JMJD1C: variants seen among roughly 807,000 people sequenced by gnomAD.
JMJD1C encodes jumonji domain containing 1C.
In JMJD1C, 31 loss-of-function variants were observed where a neutral mutation model predicts 245.3. That is an observed-to-expected ratio of 0.13 (90% CI 0.09 to 0.17). The LOEUF is 0.17. JMJD1C is among the 10% of genes least tolerant of loss of function. The pLI, the probability that JMJD1C is intolerant of heterozygous loss-of-function variation, is 1.00. For missense variants in JMJD1C, 2,691 were observed against 3,000.2 expected (o/e 0.90, Z 2.41); for synonymous variants, 1,057 against 1,017.4 (o/e 1.04, Z -0.74).
intron 1 of JMJD1C, among the ~76,000 whole-genome samples, chr10:63,394,335 G>T (rs1235007241): frequency 6.6e-6 from 1 of 152,112 alleles, no homozygotes; most frequent in Non-Finnish European, 1.5e-5. Context: ...TAATTCAAAT[G>T]GAAATGGATA....
chr10:63,295,950 T>TATATAC lies in JMJD1C; in HGVS notation c.334-31187_334-31186insGTATAT, dbSNP rs1554877081. Among the ~76,000 whole-genome samples, 27 of 127,374 alleles carry TATATAC rather than the reference T, an allele frequency of 2.1e-4. 3 individuals carry two copies. In the East Asian group the frequency reaches 2.9e-3, roughly 13 times the overall value. The allele number at this position is 127,374 out of a possible 152,430, so 83.6% of individuals were successfully genotyped here. ...GTACATGTGTATACATATATATATATACACGTATATGTGTGTGTGTGTGTG... is the reference window on the plus strand; with the variant it reads ...GTACATGTGTATACATATATATATATATATACACACGTATATGTGTGTGTGTGTGTG... On this transcript the variant is annotated intron_variant, in intron 2 of 25. Coordinates refer to ENST00000399262, the MANE Select transcript of JMJD1C (RefSeq NM_032776.3).
At chr10:63,198,348 T>C (rs1249351908) in intron 12 of JMJD1C, among the ~76,000 whole-genome samples, 165 bp downstream of exon 12, 3 of 152,228 alleles carry the variant, frequency 2.0e-5, no homozygotes, top group East Asian at 1.9e-4. Context: ...ATTCACCCTC[T>C]ATAGGAAAGT....
At chr10:63,182,947 C>T (rs1294484782) in intron 22 of JMJD1C, among the ~76,000 whole-genome samples, 9 of 152,100 alleles carry the variant, frequency 5.9e-5, no homozygotes, top group African/African-American at 1.2e-4. Context: ...CCGCAACCTC[C>T]GCCTCCTGGG....
intron 1 of JMJD1C, among the ~76,000 whole-genome samples, chr10:63,384,725 T>C (rs1947459031): frequency 6.6e-6 from 1 of 152,226 alleles, no homozygotes; most frequent in Admixed American, 6.5e-5. Flanking sequence ...CAATGAGCAA[T>C]GACTTCAACA....
intron 2 of JMJD1C, among the ~76,000 whole-genome samples, chr10:63,291,418 C>T (rs571208091): frequency 6.6e-6 from 1 of 151,322 alleles, no homozygotes; most frequent in Admixed American, 6.6e-5. Context: ...AGATCAAGAC[C>T]ATCCTGGCCA....
chr10:63,208,940 A>C (rs949067090), intron 9 of JMJD1C, 123 bp downstream of exon 9: 2 of 1,089,478 alleles, frequency 1.8e-6, no homozygotes, highest in African/African-American at 3.2e-5. Flanking sequence ...ATTTGAAGAA[A>C]TATCAAAACA....
intron 1 of JMJD1C, among the ~76,000 whole-genome samples, chr10:63,414,375 T>C (rs1377875098): frequency 1.3e-5 from 2 of 152,166 alleles, no homozygotes; most frequent in African/African-American, 4.8e-5. Flanking sequence ...AACCTTAAAA[T>C]GTATATTTTA....
At chr10:63,296,189 T>C (rs1393247789) in intron 2 of JMJD1C, among the ~76,000 whole-genome samples, 1 of 151,158 alleles carries the variant, frequency 6.6e-6, no homozygotes, top group Admixed American at 6.6e-5. Flanking sequence ...TTTGTATTTT[T>C]AGTAGAGACA....
intron 10 of JMJD1C, chr10:63,202,393 G>C: frequency 1.0e-6 from 1 of 985,256 alleles, no homozygotes; most frequent in Non-Finnish European, 1.2e-6. Context: ...TTTCTGTCAT[G>C]CTGAAAGAAT....
chr10:63,190,859 GC>G, intron 17 of JMJD1C, 34 bp downstream of exon 17: 4 of 1,532,148 alleles, frequency 2.6e-6, no homozygotes, highest in Non-Finnish European at 3.6e-6. Flanking sequence ...TCTATTTAAG[GC>G]CCACATTAAA....
intron 1 of JMJD1C, chr10:63,427,513 A>C (rs1010258334): frequency 2.2e-6 from 3 of 1,336,830 alleles, no homozygotes; most frequent in African/African-American, 1.5e-5. Context: ...GTTTCCTGCC[A>C]ATGTTCTTCA....
intron 1 of JMJD1C, among the ~76,000 whole-genome samples, chr10:63,520,518 A>C (rs1564985847): frequency 1.3e-5 from 2 of 152,140 alleles, no homozygotes; most frequent in Non-Finnish European, 2.9e-5. Context: ...AAAAAAAAAA[A>C]AAACAGTTTT....
chr10:63,390,216 G>C (rs1302112876), intron 1 of JMJD1C, among the ~76,000 whole-genome samples: 1 of 151,982 alleles, frequency 6.6e-6, no homozygotes, highest in Non-Finnish European at 1.5e-5. Context: ...TGATACCACA[G>C]AAATACAAAA....
At chr10:63,242,459 T>TA (rs1851602856) in intron 3 of JMJD1C, among the ~76,000 whole-genome samples, 1 of 152,170 alleles carries the variant, frequency 6.6e-6, no homozygotes, top group African/African-American at 2.4e-5. Flanking sequence ...TAGTGGCTCA[T>TA]ACCTGTAATC....
chr10:63,221,713 T>A (rs888893145), intron 3 of JMJD1C, among the ~76,000 whole-genome samples: 3 of 152,102 alleles, frequency 2.0e-5, no homozygotes, highest in Non-Finnish European at 4.4e-5. Context: ...AAACAGAACA[T>A]AGGAAACTTT....
chr10:63,367,203 C>T (rs995598624), intron 2 of JMJD1C, among the ~76,000 whole-genome samples: 1 of 152,144 alleles, frequency 6.6e-6, no homozygotes, highest in Non-Finnish European at 1.5e-5. Context: ...GAGCCCTAAA[C>T]AAATCTGCTT....
chr10:63,493,192 A>G (rs1163542501), intron 1 of JMJD1C, among the ~76,000 whole-genome samples: 1 of 151,710 alleles, frequency 6.6e-6, no homozygotes, highest in East Asian at 1.9e-4. Flanking sequence ...ATCTAAATCA[A>G]CATATATGTA....
chr10:63,352,700 G>A (rs899452567), intron 2 of JMJD1C, among the ~76,000 whole-genome samples: 2 of 151,556 alleles, frequency 1.3e-5, no homozygotes, highest in Non-Finnish European at 2.9e-5. Context: ...CAGCACAGAG[G>A]CAAAGCAATA....
At chr10:63,290,865 AT>A (rs1456334589) in intron 2 of JMJD1C, among the ~76,000 whole-genome samples, 4 of 152,214 alleles carry the variant, frequency 2.6e-5, no homozygotes, top group African/African-American at 9.6e-5. Flanking sequence ...GCTAAAAAAA[AT>A]CAGTATGAAA....
Sources: gnomAD v4.1 joint callset for allele counts (sites outside exome capture counted in the v4.1 genomes callset) on GRCh38, gnomAD v4.1.1 for gene constraint, MANE v1.5 for transcripts, NCBI Gene and HGNC (gene_info 2026-07-23, HGNC 2026-07-21) for gene names.